The following APOL3 variants were observed in gnomAD, a reference collection of about 807,000 sequenced individuals.
The protein encoded by APOL3 is TNF-inducible protein CG12-1.
Under a neutral mutation model 11.6 loss-of-function variants are expected in APOL3, and 14 were observed. The observed-to-expected ratio is 1.21, with a 90% CI of 0.80 to 1.89. The LOEUF (loss-of-function observed/expected upper bound fraction) is 1.89. APOL3 is among the 40% of genes most tolerant of loss of function. APOL3 has a pLI of 0.00. For synonymous variants in APOL3, 192 were observed against 190.6 expected (o/e 1.01, Z -0.06); for missense variants, 483 against 492.1 (o/e 0.98, Z 0.17).
intron 1 of APOL3, among the ~76,000 whole-genome samples, chr22:36,146,602 C>A (rs922460759): frequency 1.3e-5 from 2 of 150,704 alleles, no homozygotes; most frequent in African/African-American, 2.4e-5. Flanking sequence ...TATGTAAATT[C>A]CTGGGATATA....
intron 1 of APOL3, among the ~76,000 whole-genome samples, chr22:36,156,524 G>A (rs547135875): frequency 3.3e-5 from 5 of 152,058 alleles, no homozygotes; most frequent in East Asian, 3.9e-4. Context: ...ACACACTGAC[G>A]CCCTGCTTCC....
intron 1 of APOL3, 56 bp downstream of exon 2, chr22:36,148,990 C>T: frequency 7.4e-7 from 1 of 1,357,808 alleles, no homozygotes; most frequent in Non-Finnish European, 9.9e-7. Flanking sequence ...GAAACGCCAC[C>T]CTCCATTCTA....
chr22:36,151,682 T>C (rs2011698833), intron 1 of APOL3, among the ~76,000 whole-genome samples: 1 of 152,220 alleles, frequency 6.6e-6, no homozygotes. Flanking sequence ...AGTCTGAGCA[T>C]GGTGGCTCAT....
intron 1 of APOL3, among the ~76,000 whole-genome samples, chr22:36,158,354 C>A (rs559179846): frequency 1.1e-4 from 16 of 152,316 alleles, no homozygotes; most frequent in African/African-American, 3.8e-4. Flanking sequence ...GCCCCCACGT[C>A]ATGGCACAGC....
chr22:36,141,268 C>T (rs2146718170), exon 3 of APOL3: 49 of 1,614,156 alleles, frequency 3.0e-5, no homozygotes, highest in Non-Finnish European at 4.1e-5. Flanking sequence ...TCCTCCAGCT[C>T]CTGAGCCTGC....
At chr22:36,164,544 C>T (rs2013811719), upstream of APOL3, 1 of 152,192 alleles carries the variant, frequency 6.6e-6, no homozygotes, top group East Asian at 1.9e-4. Context: ...TATTTTCCAC[C>T]CAATTATGTG....
chr22:36,145,972 G>GTCTCCCTGTCTCTCTCTCTC (rs1268544981), intron 1 of APOL3, among the ~76,000 whole-genome samples: 1 of 79,232 alleles, frequency 1.3e-5, no homozygotes, highest in African/African-American at 3.8e-5. Context: ...CTCTCTCCCT[G>GTCTCCCTGTCTCTCTCTCTC]TCTCTCTTTC....
upstream of APOL3, among the ~76,000 whole-genome samples, chr22:36,163,916 A>G (rs1251062629): frequency 6.6e-6 from 1 of 152,240 alleles, no homozygotes; most frequent in Non-Finnish European, 1.5e-5. Context: ...AGTAATGCCC[A>G]CTGACTTTCC....
At chr22:36,157,432 ATTC>A (rs909507819) in intron 1 of APOL3, among the ~76,000 whole-genome samples, 3 of 152,230 alleles carry the variant, frequency 2.0e-5, no homozygotes, top group African/African-American at 7.2e-5. Context: ...GAAGAAACAA[ATTC>A]TTCTCCAAAA....
chr22:36,141,734 C>T, exon 3 of APOL3: 1 of 1,614,042 alleles, frequency 6.2e-7, no homozygotes, highest in African/African-American at 1.3e-5. Flanking sequence ...CTGCTCCCAG[C>T]CCTACCCCAG....
chr22:36,159,653 G>T (rs915565542), intron 1 of APOL3: 2 of 152,196 alleles, frequency 1.3e-5, no homozygotes, highest in Non-Finnish European at 2.9e-5. Flanking sequence ...GAACAGCACA[G>T]CTTCTTTCTT....
chr22:36,156,320 C>T (rs567346549), intron 1 of APOL3, among the ~76,000 whole-genome samples: 1 of 152,228 alleles, frequency 6.6e-6, no homozygotes, highest in East Asian at 1.9e-4. Flanking sequence ...TTGTCCTGAA[C>T]TCCTGGGTTC....
intron 1 of APOL3, among the ~76,000 whole-genome samples, chr22:36,157,734 C>T (rs1023031057): frequency 1.3e-5 from 2 of 152,178 alleles, no homozygotes; most frequent in Non-Finnish European, 1.5e-5. Context: ...CTCAAATCAA[C>T]ATGAAAAGAC....
At chr22:36,163,480 A>AT (rs939149076), upstream of APOL3, among the ~76,000 whole-genome samples, 9 of 151,946 alleles carry the variant, frequency 5.9e-5, no homozygotes, top group African/African-American at 1.2e-4. Context: ...TCGTTTTGCA[A>AT]TTTTTTTTCC....
chr22:36,141,452 A>T (rs132618), exon 3 of APOL3: 742,317 of 1,613,762 alleles, frequency 0.46, 178,455 homozygotes, highest in South Asian at 0.64. Flanking sequence ...CTGCTTGACC[A>T]CCACTTCCAG....
At chr22:36,155,126 C>T (rs904771195) in intron 1 of APOL3, among the ~76,000 whole-genome samples, 3 of 152,192 alleles carry the variant, frequency 2.0e-5, no homozygotes, top group African/African-American at 7.2e-5. Context: ...CTAGAGACTT[C>T]CATGGTTTCT....
At chr22:36,140,717 A>G (rs2059955087) in exon 3 of APOL3, 1 of 159,414 alleles carries the variant, frequency 6.3e-6, no homozygotes, top group Admixed American at 6.1e-5. Flanking sequence ...GATGCTGGAA[A>G]GACAGGGCAG....
chr22:36,164,411 C>T (rs1167598838), upstream of APOL3, among the ~76,000 whole-genome samples: 1 of 152,214 alleles, frequency 6.6e-6, no homozygotes, highest in African/African-American at 2.4e-5. Context: ...CCTCCGAGGA[C>T]CTGTCGTCTA....
exon 3 of APOL3, chr22:36,141,814 C>A (rs1158710297): frequency 1.2e-6 from 2 of 1,614,204 alleles, no homozygotes; most frequent in Admixed American, 1.7e-5. Context: ...GACATGATGC[C>A]AGAGGCAGCG....
Sources: gnomAD v4.1 joint callset for allele counts (sites outside exome capture counted in the v4.1 genomes callset) on GRCh38, gnomAD v4.1.1 for gene constraint, MANE v1.5 for transcripts, NCBI Gene and HGNC (gene_info 2026-07-23, HGNC 2026-07-21) for gene names.